Variants in COL4A6 observed in about 807,000 individuals in gnomAD.
COL4A6 encodes the protein collagen type IV alpha 6 chain.
COL4A6 carries 59 observed loss-of-function variants against 126.7 expected under a neutral mutation model. That is an observed-to-expected ratio of 0.47 (90% CI 0.38 to 0.58). COL4A6 has a LOEUF of 0.58. Ranked by LOEUF, COL4A6 falls within the 20% of genes least tolerant of loss-of-function variation. COL4A6 has a pLI of 0.00. For missense variants in COL4A6, 1,285 were observed against 1,337.3 expected (o/e 0.96, Z 0.61); for synonymous variants, 547 against 496.6 (o/e 1.10, Z -1.35).
intron 2 of COL4A6, among the ~76,000 whole-genome samples, chrX:108,349,442 T>A (rs1460091958): frequency 8.9e-6 from 1 of 112,032 alleles, no homozygotes; most frequent in African/African-American, 3.2e-5. Flanking sequence ...GGAGAAAAGA[T>A]AGCCCTTGGT....
intron 2 of COL4A6, among the ~76,000 whole-genome samples, chrX:108,393,243 A>G (rs1373681761): frequency 1.8e-5 from 2 of 112,422 alleles, no homozygotes; most frequent in African/African-American, 3.2e-5. Flanking sequence ...ATGTCCTTCA[A>G]CCGATGAATG....
chrX:108,209,085 T>C (rs1162092941), intron 8 of COL4A6, among the ~76,000 whole-genome samples: 6 of 112,183 alleles, frequency 5.3e-5, no homozygotes, highest in African/African-American at 1.6e-4. Flanking sequence ...CTAGGGAATA[T>C]GTATGGCCTT....
At chrX:108,228,224 C>A (rs763626836) in intron 3 of COL4A6, among the ~76,000 whole-genome samples, 2 of 112,274 alleles carry the variant, frequency 1.8e-5, no homozygotes, top group Non-Finnish European at 3.8e-5. Context: ...ATCCATTCAA[C>A]AATGATTTAT....
At chrX:108,435,971 T>A (rs748338550) in intron 2 of COL4A6, among the ~76,000 whole-genome samples, 1 of 111,753 alleles carries the variant, frequency 8.9e-6, no homozygotes, top group South Asian at 3.8e-4. Flanking sequence ...GAATTGAGTG[T>A]AGAATACGAG....
At chrX:108,412,932 G>C (rs908505787) in intron 2 of COL4A6, among the ~76,000 whole-genome samples, 1 of 112,476 alleles carries the variant, frequency 8.9e-6, no homozygotes, top group African/African-American at 3.2e-5. Flanking sequence ...TCAAAGGTGA[G>C]GAAGTGAGTT....
chrX:108,273,833 G>C (rs138420998), intron 3 of COL4A6, among the ~76,000 whole-genome samples: 1 of 112,073 alleles, frequency 8.9e-6, no homozygotes, highest in Non-Finnish European at 1.9e-5. Flanking sequence ...AGCTTCAATT[G>C]TTCCATTCCT....
At chrX:108,405,294 G>T (rs1312024967) in intron 2 of COL4A6, among the ~76,000 whole-genome samples, 2 of 109,949 alleles carry the variant, frequency 1.8e-5, no homozygotes, top group Non-Finnish European at 3.8e-5. Context: ...TGCCTCCCGG[G>T]TTCAAGTGAT....
In COL4A6 at chrX:108,205,691, G is replaced by A. The variant is rs756956046; in HGVS notation, c.614C>T (p.Pro205Leu). ...GPAGPPGLQG[P>L]PGPPGPLGPD... ...ACCAAGAGGACCAGGAGGCCCTGGA[G>A]GACCCTAGATTTTTTTTAAAAATAA... The change falls in exon 10 of 45, where the codon CCT (proline) becomes CTT (leucine). Residue 205 changes from proline to leucine, a missense_variant. Transcript: ENST00000334504. The A allele has an allele frequency of 4.2e-6, 5 of 1,203,561 alleles. No individual in the cohort carries two copies. In the South Asian group the frequency reaches 7.1e-5, roughly 17 times the overall value.
At chrX:108,430,818 A>G (rs2064163957) in intron 2 of COL4A6, among the ~76,000 whole-genome samples, 1 of 111,878 alleles carries the variant, frequency 8.9e-6, no homozygotes, top group Non-Finnish European at 1.9e-5. Flanking sequence ...TTTCACCTTT[A>G]ACTATACTGT....
intron 21 of COL4A6, 148 bp downstream of exon 21, chrX:108,188,369 A>T: frequency 2.0e-6 from 1 of 507,725 alleles, no homozygotes; most frequent in Non-Finnish European, 3.0e-6. Flanking sequence ...GAGACTCTAT[A>T]GTCAGATTTC....
intron 2 of COL4A6, among the ~76,000 whole-genome samples, chrX:108,343,165 A>ATATATATAGAGTGTGTGTGT (rs1377817612): frequency 3.2e-5 from 1 of 31,414 alleles, no homozygotes; most frequent in African/African-American, 9.1e-5. Flanking sequence ...ATATATATAT[A>ATATATATAGAGTGTGTGTGT]GTGTGTGTGT....
At chrX:108,264,149 C>T (rs1420244887) in intron 3 of COL4A6, among the ~76,000 whole-genome samples, 2 of 111,209 alleles carry the variant, frequency 1.8e-5, no homozygotes, top group African/African-American at 3.3e-5. Context: ...AGGTAAAAGC[C>T]GGAGGTGGGT....
chrX:108,347,915 C>A (rs921764023), intron 2 of COL4A6, among the ~76,000 whole-genome samples: 5 of 109,635 alleles, frequency 4.6e-5, no homozygotes, highest in African/African-American at 1.7e-4. Context: ...TCTGAAGCCC[C>A]ACTTCAAACA....
At chrX:108,163,767 C>T (rs1359355062) in intron 40 of COL4A6, among the ~76,000 whole-genome samples, 5 of 112,221 alleles carry the variant, frequency 4.5e-5, no homozygotes, top group Admixed American at 2.8e-4. Context: ...TGATCAGTGG[C>T]CTTTTGCAAG....
chrX:108,202,326 C>A (rs1402299506), intron 13 of COL4A6, among the ~76,000 whole-genome samples: 1 of 111,397 alleles, frequency 9.0e-6, no homozygotes, highest in Non-Finnish European at 1.9e-5. Context: ...TCCCTCACTC[C>A]CCCATTACAA....
At chrX:108,294,760 ATATT>A (rs2038276434) in intron 3 of COL4A6, among the ~76,000 whole-genome samples, 1 of 111,216 alleles carries the variant, frequency 9.0e-6, no homozygotes, top group African/African-American at 3.3e-5. Flanking sequence ...TTTAAAATAA[ATATT>A]TATTCCCCAG....
At chrX:108,335,488 A>C (rs765104414) in intron 2 of COL4A6, among the ~76,000 whole-genome samples, 68 of 111,913 alleles carry the variant, frequency 6.1e-4, no homozygotes, top group African/African-American at 2.1e-3. Flanking sequence ...CTCTTCCTGG[A>C]AAGTGTCGGT....
At chrX:108,332,749 T>G (rs1380708233) in intron 2 of COL4A6, among the ~76,000 whole-genome samples, 2 of 110,972 alleles carry the variant, frequency 1.8e-5, no homozygotes, top group African/African-American at 3.3e-5. Context: ...AGACATTAGA[T>G]GCATAGTTTG....
intron 3 of COL4A6, among the ~76,000 whole-genome samples, chrX:108,295,126 C>A (rs962994935): frequency 1.8e-5 from 2 of 112,054 alleles, no homozygotes; most frequent in African/African-American, 6.5e-5. Flanking sequence ...AATACATCTC[C>A]ATGTGCACAT....
Sources: gnomAD v4.1 joint callset for allele counts (sites outside exome capture counted in the v4.1 genomes callset) on GRCh38, gnomAD v4.1.1 for gene constraint, MANE v1.5 for transcripts, NCBI Gene and HGNC (gene_info 2026-07-23, HGNC 2026-07-21) for gene names.